BBS9: variants seen among roughly 807,000 people sequenced by gnomAD.
BBS9 encodes the protein protein PTHB1.
BBS9 carries 89 observed loss-of-function variants against 117.7 expected under a neutral mutation model. The observed-to-expected ratio is 0.76, with a 90% CI of 0.64 to 0.90. The LOEUF is 0.90. BBS9 is among the 40% of genes least tolerant of loss of function. BBS9 has a pLI of 0.00. For missense variants in BBS9, 982 were observed against 1,042.2 expected, an observed-to-expected ratio of 0.94 and a Z score of 0.80; for synonymous variants, 379 against 370.9, an observed-to-expected ratio of 1.02 and a Z score of -0.25.
At chr7:33,359,975 A>G (rs1820324871) in intron 16 of BBS9, among the ~76,000 whole-genome samples, 2 of 152,108 alleles carry the variant, frequency 1.3e-5, no homozygotes, top group African/African-American at 4.8e-5. Flanking sequence ...TCTAATCTTT[A>G]AATAAATATT....
At chr7:33,367,691 C>T in intron 16 of BBS9, 76 bp from the exon 17 acceptor site, 2 of 1,204,914 alleles carry the variant, frequency 1.7e-6, no homozygotes, top group Non-Finnish European at 1.2e-6. Context: ...ACGCATCATT[C>T]AACTAAGGTT....
chr7:33,547,093 C>T (rs1410389418), intron 21 of BBS9, among the ~76,000 whole-genome samples: 1 of 152,086 alleles, frequency 6.6e-6, no homozygotes, highest in East Asian at 1.9e-4. Context: ...ATCTCATATA[C>T]TCTTCACTCA....
At chr7:33,423,117 A>G (rs149040622) in intron 19 of BBS9, among the ~76,000 whole-genome samples, 7 of 152,284 alleles carry the variant, frequency 4.6e-5, no homozygotes, top group African/African-American at 7.2e-5. Flanking sequence ...AAGTCAGCCA[A>G]ATTGGAAGCT....
chr7:33,417,357 G>A (rs1024164015), intron 19 of BBS9, among the ~76,000 whole-genome samples: 14 of 152,118 alleles, frequency 9.2e-5, no homozygotes, highest in Admixed American at 1.3e-4. Context: ...CATACTTTTG[G>A]AATGTTATAA....
In BBS9 at chr7:33,534,130, C is replaced by T; in HGVS notation, c.2475C>T (p.Leu825=). ...ATAGATTATCCAAAGGTGGCCGTCT[C>T]TGCCTAAGTACCGATGCAGCAGCCC... is the stretch of plus-strand genomic sequence containing the variant. The part of the protein sequence containing the change: ...LCDRLSKGGR[L]CLSTDAAAPQ... Residue 825 remains leucine, a synonymous_variant, in exon 21 of 23, where the codon CTC becomes CTT. Transcript: ENST00000242067. 1.9e-6 allele frequency: 3 copies of T among 1,614,200 alleles called. No individual in the cohort carries two copies. The highest frequency in any genetic ancestry group is 2.5e-6 in the Non-Finnish European group (3 of 1,180,032).
chr7:33,348,051 T>C (rs1325273706), intron 12 of BBS9, among the ~76,000 whole-genome samples: 1 of 152,122 alleles, frequency 6.6e-6, no homozygotes, highest in Non-Finnish European at 1.5e-5. Flanking sequence ...CCGATGACTT[T>C]TAGTATAGTG....
chr7:33,390,344 G>A, intron 19 of BBS9: 1 of 985,272 alleles, frequency 1.0e-6, no homozygotes, highest in Non-Finnish European at 1.2e-6. Flanking sequence ...TTAAAGTGCA[G>A]AGGTTTTTAT....
At chr7:33,485,631 A>G (rs2128984036) in intron 19 of BBS9, among the ~76,000 whole-genome samples, 1 of 152,110 alleles carries the variant, frequency 6.6e-6, no homozygotes, top group South Asian at 2.1e-4. Context: ...AAAAAAAGGC[A>G]TTTTCCTAAT....
At chr7:33,591,049 G>A (rs1235653532) in intron 21 of BBS9, among the ~76,000 whole-genome samples, 1 of 151,964 alleles carries the variant, frequency 6.6e-6, no homozygotes, top group East Asian at 1.9e-4. Flanking sequence ...TAGAATACAG[G>A]AGCTGATTGG....
chr7:33,453,928 A>G lies in BBS9; in HGVS notation c.2116-51535A>G, dbSNP rs150492411. On this transcript the variant is annotated intron_variant, in intron 19 of 22. Coordinates refer to ENST00000242067, the MANE Select transcript of BBS9 (RefSeq NM_198428.3). ...GTTATTGGGAAGTCTTCAGGTCAAG[A>G]GTAAGCAATTAGTAGTTAAATTTGG... 4.2e-4 allele frequency among the ~76,000 whole-genome samples: 64 copies of G among 152,354 alleles called. 1 individual carries two copies. The highest frequency in any genetic ancestry group is 7.9e-4 in the Non-Finnish European group (54 of 68,028).
intron 16 of BBS9, among the ~76,000 whole-genome samples, chr7:33,360,635 C>T (rs558378957): frequency 6.6e-6 from 1 of 151,794 alleles, no homozygotes; most frequent in South Asian, 2.1e-4. Flanking sequence ...ATCCTCCCAC[C>T]TTAGCCTCTA....
In BBS9 at chr7:33,366,951, T is replaced by C. The variant is rs539661128; in HGVS notation, c.1694-816T>C. On this transcript the variant is annotated intron_variant, in intron 16 of 22. Transcript: ENST00000242067. ...CCGGAGTTCTTCATGGATGGTAGTA[T>C]AGACTTTCAGCAAACAGAGGGCACA... Among the ~76,000 whole-genome samples the C allele has an allele frequency of 1.9e-4, 29 of 152,320 alleles. 1 individual carries two copies. Among genetic ancestry groups the C allele is most frequent in the Admixed American group, 3.3e-4 (5 of 15,294 alleles).
At chr7:33,198,592 G>A (rs1785310207) in intron 5 of BBS9, among the ~76,000 whole-genome samples, 1 of 151,868 alleles carries the variant, frequency 6.6e-6, no homozygotes, top group Non-Finnish European at 1.5e-5. Context: ...TCAACAATCT[G>A]TCTGAATTCA....
At chr7:33,323,577 C>T (rs1015079528) in intron 9 of BBS9, among the ~76,000 whole-genome samples, 1 of 151,584 alleles carries the variant, frequency 6.6e-6, no homozygotes, top group Non-Finnish European at 1.5e-5. Flanking sequence ...CTTTAGTTTC[C>T]ACTGGCATGG....
exon 22 of BBS9, among the ~76,000 whole-genome samples, chr7:33,635,370 G>T (rs1866094980): frequency 6.6e-6 from 1 of 152,182 alleles, no homozygotes; most frequent in East Asian, 1.9e-4. Flanking sequence ...GGAACACAGG[G>T]ATCTTTCCTG....
intron 19 of BBS9, among the ~76,000 whole-genome samples, chr7:33,456,224 T>C (rs1330982390): frequency 4.6e-5 from 7 of 152,224 alleles, no homozygotes; most frequent in African/African-American, 9.6e-5. Flanking sequence ...ATTTGAGCTG[T>C]AATTTGAAAT....
chr7:33,334,393 GC>G (rs755438153), intron 9 of BBS9, among the ~76,000 whole-genome samples: 4 of 151,890 alleles, frequency 2.6e-5, no homozygotes, highest in Admixed American at 6.6e-5. Context: ...TCTCTGAGAA[GC>G]CCCCCCCAGA....
chr7:33,545,248 AC>A (rs1261961142), intron 21 of BBS9, among the ~76,000 whole-genome samples: 2 of 152,110 alleles, frequency 1.3e-5, no homozygotes. Context: ...TCAAATTGTT[AC>A]AAAGTTCAGC....
At chr7:33,228,451 A>T (rs948933059) in intron 5 of BBS9, among the ~76,000 whole-genome samples, 1 of 152,172 alleles carries the variant, frequency 6.6e-6, no homozygotes, top group Non-Finnish European at 1.5e-5. Flanking sequence ...CAGAAGATTT[A>T]GTCACAAAAG....
Sources: gnomAD v4.1 joint callset for allele counts (sites outside exome capture counted in the v4.1 genomes callset) on GRCh38, gnomAD v4.1.1 for gene constraint, MANE v1.5 for transcripts, NCBI Gene and HGNC (gene_info 2026-07-23, HGNC 2026-07-21) for gene names.